The following PTPRM variants were observed in gnomAD, a reference collection of about 807,000 sequenced individuals.
PTPRM encodes the protein receptor-type tyrosine-protein phosphatase mu.
Under a neutral mutation model 186.7 loss-of-function variants are expected in PTPRM, and 47 were observed. The observed-to-expected ratio is 0.25, with a 90% CI of 0.20 to 0.32. PTPRM has a LOEUF of 0.32. Ranked by LOEUF, PTPRM falls within the 10% of genes least tolerant of loss-of-function variation. The probability of loss-of-function intolerance (pLI) is 1.00; values close to 1 mark genes in which losing one functional copy is unlikely to be tolerated. For synonymous variants in PTPRM, 668 were observed against 674.9 expected, an observed-to-expected ratio of 0.99 and a Z score of 0.16; for missense variants, 1,494 against 1,865.0, an observed-to-expected ratio of 0.80 and a Z score of 3.66.
At chr18:8,081,644 G>A (rs1250506839) in intron 9 of PTPRM, among the ~76,000 whole-genome samples, 1 of 152,170 alleles carries the variant, frequency 6.6e-6, no homozygotes, top group Non-Finnish European at 1.5e-5. Flanking sequence ...TCTACCATCA[G>A]CTCTGTGGCA....
At chr18:7,974,058 G>A (rs927506197) in intron 7 of PTPRM, among the ~76,000 whole-genome samples, 1 of 151,996 alleles carries the variant, frequency 6.6e-6, no homozygotes, top group African/African-American at 2.4e-5. Context: ...CGAGGAGAAT[G>A]GTCCATTCTC....
At chr18:8,116,320 GAA>G (rs2091955001) in intron 13 of PTPRM, among the ~76,000 whole-genome samples, 1 of 152,206 alleles carries the variant, frequency 6.6e-6, no homozygotes, top group Non-Finnish European at 1.5e-5. Context: ...TGAAAGTTTT[GAA>G]ATCTCTTTCA....
intron 7 of PTPRM, among the ~76,000 whole-genome samples, chr18:7,966,825 A>G (rs1483767299): frequency 7.7e-6 from 1 of 130,432 alleles, no homozygotes; most frequent in East Asian, 2.1e-4. Flanking sequence ...AGTCTCGCTG[A>G]TTGCCAGCAC....
intron 3 of PTPRM, among the ~76,000 whole-genome samples, chr18:7,898,681 C>T (rs149630592): frequency 0.014 from 2,111 of 152,304 alleles, 20 homozygotes; most frequent in South Asian, 0.033. Flanking sequence ...TCCTGAAATG[C>T]TATTAGTTGA....
intron 9 of PTPRM, among the ~76,000 whole-genome samples, chr18:8,079,516 G>T (rs1198660303): frequency 1.3e-5 from 2 of 152,060 alleles, no homozygotes; most frequent in African/African-American, 4.8e-5. Flanking sequence ...ATTTTACAAG[G>T]TAGAAACTGT....
chr18:8,364,394 T>A (rs2095615287), intron 23 of PTPRM, among the ~76,000 whole-genome samples: 1 of 152,118 alleles, frequency 6.6e-6, no homozygotes, highest in Non-Finnish European at 1.5e-5. Context: ...ACAAGGTAGA[T>A]GGAAAAAAAA....
chr18:7,783,968 C>T (rs2042981144), intron 2 of PTPRM, among the ~76,000 whole-genome samples: 1 of 152,022 alleles, frequency 6.6e-6, no homozygotes, highest in Non-Finnish European at 1.5e-5. Context: ...TGGGCCATCA[C>T]TGTGCTAACC....
intron 11 of PTPRM, among the ~76,000 whole-genome samples, chr18:8,105,494 G>A (rs925859632): frequency 1.3e-5 from 2 of 152,212 alleles, no homozygotes; most frequent in African/African-American, 4.8e-5. Flanking sequence ...TAGAGTAGAT[G>A]TATTTGAGCT....
chr18:8,253,891 G>A (rs1215461059), intron 19 of PTPRM, among the ~76,000 whole-genome samples: 1 of 152,018 alleles, frequency 6.6e-6, no homozygotes, highest in Non-Finnish European at 1.5e-5. Flanking sequence ...ATTTACCAGG[G>A]TCTCTTCCCC....
chr18:7,911,341 C>T (rs2050252001), intron 4 of PTPRM, among the ~76,000 whole-genome samples: 2 of 152,150 alleles, frequency 1.3e-5, no homozygotes, highest in South Asian at 4.1e-4. Context: ...AAATTGGCTG[C>T]ACCATTTTCC....
intron 2 of PTPRM, among the ~76,000 whole-genome samples, chr18:7,813,279 G>A (rs529465991): frequency 4.6e-5 from 7 of 152,318 alleles, no homozygotes; most frequent in East Asian, 1.9e-4. Flanking sequence ...GTAGATTAAC[G>A]TTAGTGTGTT....
At chr18:8,021,315 G>GACAC (rs1377924670) in intron 7 of PTPRM, among the ~76,000 whole-genome samples, 26 of 99,220 alleles carry the variant, frequency 2.6e-4, no homozygotes, top group Admixed American at 5.8e-4. Context: ...AAGCATAAAA[G>GACAC]AGACACACAC....
chr18:8,284,884 A>C (rs941760036), intron 19 of PTPRM, among the ~76,000 whole-genome samples: 11 of 152,226 alleles, frequency 7.2e-5, no homozygotes, highest in Non-Finnish European at 1.0e-4. Flanking sequence ...TTCAAGAACC[A>C]AGCCTCAAAA....
At position 7,768,062 on chromosome 18, in the gene PTPRM, G is replaced by T. The variant is rs1444317397; in HGVS notation, c.74-6087G>T. Among the ~76,000 whole-genome samples, 3 of 152,300 alleles carry T rather than the reference G, an allele frequency of 2.0e-5. No homozygotes were observed. The East Asian group carries it at 5.8e-4, about 29-fold the overall frequency. On this transcript the variant is annotated intron_variant, in intron 1 of 32. Transcript: ENST00000580170. ...TGTTTATCATGCAGCCTGCTCTAAG[G>T]AGTACCAAGGTGACTAAGACACAGT...
At chr18:8,155,947 T>G (rs963823039) in intron 14 of PTPRM, among the ~76,000 whole-genome samples, 1 of 152,256 alleles carries the variant, frequency 6.6e-6, no homozygotes, top group Non-Finnish European at 1.5e-5. Context: ...ATTTAAAATA[T>G]GTGGCTTTAA....
intron 2 of PTPRM, among the ~76,000 whole-genome samples, chr18:7,819,900 G>T (rs1412750687): frequency 6.6e-6 from 1 of 152,170 alleles, no homozygotes; most frequent in Non-Finnish European, 1.5e-5. Context: ...GAAGGGGAAG[G>T]GGCCTGGAGC....
chr18:8,103,690 C>A (rs551266118), intron 11 of PTPRM, among the ~76,000 whole-genome samples: 1 of 152,132 alleles, frequency 6.6e-6, no homozygotes, highest in African/African-American at 2.4e-5. Context: ...GCAATAAAGC[C>A]GTTTCACTTT....
intron 19 of PTPRM, among the ~76,000 whole-genome samples, chr18:8,292,229 G>A (rs1223227987): frequency 6.6e-6 from 1 of 152,164 alleles, no homozygotes; most frequent in Non-Finnish European, 1.5e-5. Context: ...GGAGTCTAAA[G>A]TAAATATTTT....
At position 7,797,873 on chromosome 18, in the gene PTPRM, G is replaced by A. The variant is rs971451542; in HGVS notation, c.196+23602G>A. Among the ~76,000 whole-genome samples the A allele has an allele frequency of 3.3e-5, 5 of 152,210 alleles. No individual in the cohort carries two copies. In the East Asian group the frequency reaches 9.6e-4, roughly 29 times the overall value. On this transcript the variant is annotated intron_variant, in intron 2 of 32. Coordinates refer to ENST00000580170, the MANE Select transcript of PTPRM (RefSeq NM_001105244.2). Reference sequence around the variant, plus strand: ...GTCTGCAGCTGCTGCTGCCAGCACTGGTGGACATTCCTTCCAGCTGCAGAA... The same window carrying A: ...GTCTGCAGCTGCTGCTGCCAGCACTAGTGGACATTCCTTCCAGCTGCAGAA...
Sources: gnomAD v4.1 joint callset for allele counts (sites outside exome capture counted in the v4.1 genomes callset) on GRCh38, gnomAD v4.1.1 for gene constraint, MANE v1.5 for transcripts, NCBI Gene and HGNC (gene_info 2026-07-23, HGNC 2026-07-21) for gene names.